CPLANE1: variants seen among roughly 807,000 people sequenced by gnomAD.
The protein encoded by CPLANE1 is ciliogenesis and planar polarity effector 1.
In CPLANE1, 263 loss-of-function variants were observed where a neutral mutation model predicts 362.5. The observed-to-expected ratio is 0.73, with a 90% CI of 0.66 to 0.80. The LOEUF (loss-of-function observed/expected upper bound fraction) is 0.80. CPLANE1 is among the 30% of genes least tolerant of loss of function. CPLANE1 has a pLI of 0.00. For missense variants in CPLANE1, 3,461 were observed against 3,793.4 expected (o/e 0.91, Z 2.30); for synonymous variants, 1,212 against 1,302.6 (o/e 0.93, Z 1.50).
intron 46 of CPLANE1, among the ~76,000 whole-genome samples, chr5:37,127,979 G>T (rs559076658): frequency 3.9e-5 from 6 of 152,186 alleles, no homozygotes; most frequent in African/African-American, 1.4e-4. Context: ...GGTTGAGGCT[G>T]CAGTAAGCCA....
Position 37,177,713 on chromosome 5 carries a change from A to AATGGGT in CPLANE1, c.5821-14_5821-13insACCCAT. Reference sequence around the variant, plus strand: ...CTTCTGTGAACTCCTGTTAAAATGAATAGTACCCAAAAAGAAAACAGGTAA... The same window carrying AATGGGT: ...CTTCTGTGAACTCCTGTTAAAATGAAATGGGTTAGTACCCAAAAAGAAAACAGGTAA... On this transcript the variant is annotated splice_polypyrimidine_tract_variant and intron_variant, in intron 29 of 52. Coordinates refer to ENST00000651892, the MANE Select transcript of CPLANE1 (RefSeq NM_001384732.1). 6.2e-7 allele frequency: 1 copy of AATGGGT among 1,601,414 alleles called. No homozygotes were observed. Among genetic ancestry groups the AATGGGT allele is most frequent in the Non-Finnish European group, 8.5e-7 (1 of 1,170,094 alleles).
At chr5:37,166,652 T>C (rs910586216) in intron 35 of CPLANE1, among the ~76,000 whole-genome samples, 1 of 152,162 alleles carries the variant, frequency 6.6e-6, no homozygotes. Flanking sequence ...AAATATATAA[T>C]AGGGTTCAGT....
intron 23 of CPLANE1, among the ~76,000 whole-genome samples, chr5:37,186,918 G>A (rs1325055901): frequency 1.3e-5 from 2 of 151,894 alleles, no homozygotes; most frequent in African/African-American, 2.4e-5. Flanking sequence ...AAAATTAGCC[G>A]GGCGTGTTGG....
At chr5:37,238,149 A>T (rs1048636732) in intron 8 of CPLANE1, among the ~76,000 whole-genome samples, 3 of 152,152 alleles carry the variant, frequency 2.0e-5, no homozygotes, top group African/African-American at 7.2e-5. Context: ...ACTACACTCC[A>T]GCTTGGGCAA....
Position 37,111,062 on chromosome 5 carries a change from C to G in CPLANE1, c.9401-2591G>C, listed in dbSNP as rs555767989. On this transcript the variant is annotated intron_variant, in intron 51 of 52. Transcript: ENST00000651892. ...GACCTCGTGATCCGCCTGCCTCAGCCTCCCAAAGTGCTGGGATTACAGGCG... is the reference window on the plus strand; with the variant it reads ...GACCTCGTGATCCGCCTGCCTCAGCGTCCCAAAGTGCTGGGATTACAGGCG... Among the ~76,000 whole-genome samples, 5 of 151,844 alleles carry G rather than the reference C, an allele frequency of 3.3e-5. No individual in the cohort carries two copies. In the South Asian group the frequency reaches 1.0e-3, roughly 32 times the overall value.
At chr5:37,102,823 T>C (rs1250266512), downstream of CPLANE1, among the ~76,000 whole-genome samples, 2 of 152,196 alleles carry the variant, frequency 1.3e-5, no homozygotes, top group South Asian at 2.1e-4. Context: ...CTTCCAATTA[T>C]GTGATCAATT....
intron 43 of CPLANE1, among the ~76,000 whole-genome samples, chr5:37,146,210 G>A (rs144517431): frequency 0.017 from 2,530 of 150,832 alleles, 74 homozygotes; most frequent in African/African-American, 0.059. Flanking sequence ...ACGGAGTCTC[G>A]CTCTGTTGCC....
the CPLANE1 span, among the ~76,000 whole-genome samples, chr5:37,100,323 A>C: frequency 1.3e-5 from 2 of 152,194 alleles, no homozygotes; most frequent in African/African-American, 4.8e-5. Flanking sequence ...AACTTTCTGC[A>C]TATGACTAGC....
At chr5:37,101,232 T>A (rs301911), downstream of CPLANE1, among the ~76,000 whole-genome samples, 22,409 of 152,236 alleles carry the variant, frequency 0.15, 1,949 homozygotes, top group African/African-American at 0.23. Context: ...AGTATGATAC[T>A]GGCTGTGAGT....
chr5:37,206,105 A>AAATGTAAAATTTAAACAT, intron 17 of CPLANE1, 92 bp downstream of exon 17: 1 of 872,778 alleles, frequency 1.1e-6, no homozygotes, highest in Non-Finnish European at 1.8e-6. Flanking sequence ...TGAACTAAGG[A>AAATGTAAAATTTAAACAT]TTCCACATAA....
intron 1 of CPLANE1, 173 bp from the exon 2 acceptor site, chr5:37,247,918 C>T: frequency 2.6e-6 from 1 of 383,516 alleles, no homozygotes; most frequent in Non-Finnish European, 4.6e-6. Context: ...CTGCGTTAGC[C>T]TCCCGAGTAG....
chr5:37,207,452 C>T (rs1319852934), intron 16 of CPLANE1, among the ~76,000 whole-genome samples: 1 of 152,188 alleles, frequency 6.6e-6, no homozygotes, highest in Non-Finnish European at 1.5e-5. Flanking sequence ...AGGTAATATA[C>T]CATTAAAATA....
chr5:37,210,559 C>G (rs1320935734), intron 16 of CPLANE1: 1 of 1,513,368 alleles, frequency 6.6e-7, no homozygotes, highest in East Asian at 2.3e-5. Flanking sequence ...CTCAATCAAT[C>G]TATAAATCGC....
At chr5:37,147,287 T>C (rs1408032002) in intron 43 of CPLANE1, among the ~76,000 whole-genome samples, 4 of 152,190 alleles carry the variant, frequency 2.6e-5, no homozygotes, top group Non-Finnish European at 5.9e-5. Context: ...TATCTAAGGA[T>C]TGATATCATC....
At chr5:37,094,634 T>A in the CPLANE1 span, among the ~76,000 whole-genome samples, 33 of 151,688 alleles carry the variant, frequency 2.2e-4, no homozygotes, top group Non-Finnish European at 4.3e-4. Context: ...AAATGATAAA[T>A]GAAACAAAAA....
At chr5:37,108,233 CA>C (rs1758089500) in intron 52 of CPLANE1, 59 bp downstream of exon 52, 2 of 1,479,684 alleles carry the variant, frequency 1.4e-6, no homozygotes, top group South Asian at 2.4e-5. Context: ...AACAAACAAA[CA>C]AAAAACCTGA....
In CPLANE1 at chr5:37,121,652, C is replaced by T. The variant is rs761407466; in HGVS notation, c.9150G>A (p.Gln3050=). ...AAGGGCAGTGTTGACAACTGGAAGA[C>T]TGAGTAGGGCTGGGTTTGTTAGGCA... The part of the protein sequence containing the change: ...KPLPNKPSPT[Q]SSSCQHCPSP... The change falls in exon 49 of 53, where the codon CAG becomes CAA. Residue 3050 remains glutamine, a synonymous_variant. Transcript: ENST00000651892. 1.2e-6 allele frequency: 2 copies of T among 1,614,138 alleles called. No individual in the cohort carries two copies. The highest frequency in any genetic ancestry group is 4.5e-5 in the East Asian group (2 of 44,874).
chr5:37,109,386 C>G (rs1440138387), intron 51 of CPLANE1, among the ~76,000 whole-genome samples: 1 of 152,196 alleles, frequency 6.6e-6, no homozygotes, highest in Non-Finnish European at 1.5e-5. Context: ...GTCCCTTGAA[C>G]TTACCAGACA....
At chr5:37,174,017 C>A in intron 31 of CPLANE1, 70 bp from the exon 32 acceptor site, 1 of 1,296,766 alleles carries the variant, frequency 7.7e-7, no homozygotes, top group Non-Finnish European at 1.1e-6. Flanking sequence ...TGTCTATGAT[C>A]AGAATATTTT....
Sources: allele counts gnomAD v4.1 joint callset (sites outside exome capture counted in the v4.1 genomes callset), GRCh38; gene constraint gnomAD v4.1.1; transcripts MANE v1.5; gene names NCBI Gene and HGNC (gene_info 2026-07-23, HGNC 2026-07-21).